The following LAMB1 variants were observed in gnomAD, a reference collection of about 807,000 sequenced individuals.
LAMB1 encodes laminin subunit beta 1, also known as laminin subunit beta-1.
A neutral mutation model predicts 222.3 loss-of-function variants in LAMB1; 121 were observed. The ratio of observed to expected loss-of-function variants is 0.54; its 90% CI spans 0.47 to 0.63. The LOEUF (loss-of-function observed/expected upper bound fraction) is 0.63, where lower values mean the gene tolerates loss of function less well. LAMB1 is among the 30% of genes least tolerant of loss of function. LAMB1 has a pLI of 0.00. For synonymous variants in LAMB1, 794 were observed against 807.2 expected (o/e 0.98, Z 0.28); for missense variants, 2,172 against 2,240.8 (o/e 0.97, Z 0.62).
chr7:107,980,734 T>A lies in LAMB1; in HGVS notation c.754A>T (p.Met252Leu), dbSNP rs2033956000. 1 of 1,612,834 alleles carries A rather than the reference T, an allele frequency of 6.2e-7. No homozygotes were observed. The change falls in exon 8 of 34, where the codon ATG (methionine) becomes TTG (leucine). Residue 252 changes from methionine to leucine, a missense_variant. Physicochemically the swap from Met to Leu is conservative, Grantham distance 15. Coordinates refer to ENST00000222399, the MANE Select transcript of LAMB1 (RefSeq NM_002291.3). Reference protein sequence around the residue: ...TLGDNLLDSRMEIREKYYYAV... With the variant: ...TLGDNLLDSRLEIREKYYYAV... ...TAATAATACTTTTCTCTGATTTCCA[T>A]CCTGGAATCCAGAAGGTTATCTCCC...
chr7:107,982,441 G>T (rs147471148), intron 7 of LAMB1, among the ~76,000 whole-genome samples: 5 of 152,142 alleles, frequency 3.3e-5, no homozygotes, highest in African/African-American at 7.2e-5. Context: ...AAATGGCTGC[G>T]GGTAGAAAGG....
intron 24 of LAMB1, among the ~76,000 whole-genome samples, chr7:107,947,274 A>T (rs1270443939): frequency 6.6e-6 from 1 of 152,228 alleles, no homozygotes; most frequent in Non-Finnish European, 1.5e-5. Context: ...GAGAATACTT[A>T]GCTAGGACTT....
rs974458617 is a variant in LAMB1, at chr7:108,002,701, G to C, written c.37+148C>G. ...GTCTCCAGCCACCACCGAAGCAAGG[G>C]CGGTGGCGTTTAATCCCAGGGGCGT... On this transcript the variant is annotated intron_variant, in intron 2 of 33. Transcript: ENST00000222399. 2.6e-6 allele frequency: 3 copies of C among 1,147,432 alleles called. No homozygotes were observed. The African/African-American group carries it at 4.7e-5, about 18-fold the overall frequency. 71.1% of individuals were successfully genotyped at this position (1,147,432 alleles called of 1,614,324 possible). A position where few individuals can be genotyped will look rare whatever the true frequency, so the allele number is the denominator to read the frequency against.
chr7:107,991,993 G>T (rs1309592577), intron 5 of LAMB1, among the ~76,000 whole-genome samples: 1 of 151,864 alleles, frequency 6.6e-6, no homozygotes, highest in Non-Finnish European at 1.5e-5. Context: ...CCCTAGCAAG[G>T]AGTCAATGTC....
chr7:107,952,346 G>A (rs1430176553), intron 22 of LAMB1, 123 bp from the exon 23 acceptor site: 25 of 690,074 alleles, frequency 3.6e-5, no homozygotes, highest in Middle Eastern at 2.8e-4. Context: ...TGCAAAGAAG[G>A]AAAGAAATGG....
At chr7:107,954,192 T>C (rs909503217) in intron 21 of LAMB1, among the ~76,000 whole-genome samples, 4 of 152,074 alleles carry the variant, frequency 2.6e-5, no homozygotes, top group African/African-American at 9.7e-5. Flanking sequence ...CCTTGCTTTA[T>C]CACCCAGGTT....
chr7:108,000,501 CT>C (rs1480588691), intron 3 of LAMB1, among the ~76,000 whole-genome samples: 1 of 152,222 alleles, frequency 6.6e-6, no homozygotes. Flanking sequence ...GAATGTGAAA[CT>C]GATACTTTCT....
chr7:107,929,431 C>T lies in LAMB1; in HGVS notation c.4726G>A (p.Glu1576Lys), dbSNP rs376386090. The T allele has an allele frequency of 2.8e-5, 45 of 1,613,970 alleles. No homozygotes were observed. Among genetic ancestry groups the T allele is most frequent in the Non-Finnish European group, 3.6e-5 (43 of 1,179,998 alleles). ...AGATACCTTGCTCTTTTAGCTTCTT[C>T]TAACAACATCTCAGCTCTGGCAATG... is the stretch of plus-strand genomic sequence containing the variant. The part of the protein sequence containing the change: ...ADIARAEMLL[E>K]EAKRASKSAT... Residue 1576 changes from glutamate to lysine, a missense_variant, in exon 30 of 34, where the codon GAA becomes AAA. Transcript: ENST00000222399.
intron 13 of LAMB1, among the ~76,000 whole-genome samples, chr7:107,970,924 G>C (rs1584518137): frequency 6.6e-6 from 1 of 152,168 alleles, no homozygotes; most frequent in South Asian, 2.1e-4. Flanking sequence ...GTAGAGACAG[G>C]GTTTCACCAT....
chr7:107,952,184 C>G lies in LAMB1; in HGVS notation c.3119G>C (p.Cys1040Ser), dbSNP rs377317974. The G allele has an allele frequency of 1.7e-5, 27 of 1,612,938 alleles. No individual in the cohort carries two copies. The highest frequency in any genetic ancestry group is 2.0e-5 in the Non-Finnish European group (24 of 1,179,246). ...CNYLGTVQEH[C>S]NGSDCQCDKA... The stretch of plus-strand genomic sequence containing the variant: ...GTCGCACTGGCAGTCAGAGCCGTTA[C>G]AGTGCTCTTGCACGGTGCCCAGGTA... The change falls in exon 23 of 34, where the codon TGT (cysteine) becomes TCT (serine). Residue 1040 changes from cysteine (C) to serine (S), a missense_variant. By Grantham distance (112) the Cys-to-Ser change is moderately radical (BLOSUM62 -1). Transcript: ENST00000222399.
rs146689575 is a variant in LAMB1, at chr7:107,926,268, C to T, written c.4979G>A (p.Arg1660Gln). ...CTCCCCGGAGTTTTGGGCAGCTTTC[C>T]GCTTAAGTTCTTCCACATTCCTCTC... ...ELERNVEELK[R>Q]KAAQNSGEAE... Residue 1660 changes from arginine (R) to glutamine (Q), a missense_variant, in exon 32 of 34, where the codon CGG (arginine) becomes CAG (glutamine). Arg to Gln is a conservative substitution (Grantham distance 43). Transcript: ENST00000222399. The T allele has an allele frequency of 2.1e-5, 34 of 1,613,956 alleles. 1 individual carries two copies. The highest frequency in any genetic ancestry group is 1.6e-4 in the South Asian group (15 of 91,082).
At chr7:107,998,786 C>A (rs2034327098) in intron 3 of LAMB1, among the ~76,000 whole-genome samples, 1 of 152,094 alleles carries the variant, frequency 6.6e-6, no homozygotes, top group Non-Finnish European at 1.5e-5. Flanking sequence ...TAGGCTTAAA[C>A]CTTAATCTCA....
Position 107,929,114 on chromosome 7 carries a change from T to C in LAMB1, c.4837A>G (p.Ile1613Val), listed in dbSNP as rs776511343. 28 of 1,614,022 alleles carry C rather than the reference T, an allele frequency of 1.7e-5. No homozygotes were observed. Among genetic ancestry groups the C allele is most frequent in the Non-Finnish European group, 1.9e-5 (23 of 1,180,022 alleles). ...TGAATGTCTTCATCTGCTTGTTTAA[T>C]TGCCTTCTCTGCTGCGACCTGGGCC... ...EKAQVAAEKA[I>V]KQADEDIQGT... Residue 1613 changes from isoleucine (I) to valine (V), a missense_variant, in exon 31 of 34, where the codon ATT (isoleucine) becomes GTT (valine). Physicochemically the swap from Ile to Val is conservative, Grantham distance 29 (BLOSUM62 3). Coordinates refer to ENST00000222399, the MANE Select transcript of LAMB1 (RefSeq NM_002291.3).
chr7:107,954,331 ATT>A (rs35519789), intron 21 of LAMB1, among the ~76,000 whole-genome samples: 108 of 133,566 alleles, frequency 8.1e-4, no homozygotes, highest in Admixed American at 9.2e-4. Flanking sequence ...ATTTTGTAAA[ATT>A]TTTTTTTTTT....
intron 13 of LAMB1, among the ~76,000 whole-genome samples, chr7:107,971,383 A>C (rs895145138): frequency 6.6e-6 from 1 of 152,240 alleles, no homozygotes; most frequent in Non-Finnish European, 1.5e-5. Context: ...GAGTGATTGC[A>C]ACAAACCAAT....
intron 3 of LAMB1, among the ~76,000 whole-genome samples, chr7:108,000,150 A>G (rs2034355440): frequency 6.6e-6 from 1 of 152,092 alleles, no homozygotes; most frequent in Non-Finnish European, 1.5e-5. Context: ...ACTGCCTTCA[A>G]TAACTTGTAG....
intron 20 of LAMB1, 63 bp from the exon 21 acceptor site, chr7:107,955,693 A>C (rs897004184): frequency 6.8e-7 from 1 of 1,465,514 alleles, no homozygotes; most frequent in Non-Finnish European, 9.2e-7. Flanking sequence ...TGTTCCAAGG[A>C]AAGTCTTGAA....
chr7:107,986,438 T>C, intron 5 of LAMB1, 75 bp from the exon 6 acceptor site: 1 of 1,308,752 alleles, frequency 7.6e-7, no homozygotes, highest in Non-Finnish European at 1.1e-6. Context: ...CAGGTAAAAA[T>C]GTCACTCAAC....
At chr7:107,977,649 G>A (rs2033894308) in intron 9 of LAMB1, among the ~76,000 whole-genome samples, 1 of 152,028 alleles carries the variant, frequency 6.6e-6, no homozygotes, top group Non-Finnish European at 1.5e-5. Context: ...AAATTAGCAG[G>A]GCATGGTGGC....
Sources: gnomAD v4.1 joint callset for allele counts (sites outside exome capture counted in the v4.1 genomes callset) on GRCh38, gnomAD v4.1.1 for gene constraint, MANE v1.5 for transcripts, NCBI Gene and HGNC (gene_info 2026-07-23, HGNC 2026-07-21) for gene names.